The following MCTP1 variants were observed in gnomAD, a reference collection of about 807,000 sequenced individuals.
The protein encoded by MCTP1 is multiple C2 and transmembrane domain-containing protein 1.
A neutral mutation model predicts 120.6 loss-of-function variants in MCTP1; 69 were observed. That is an observed-to-expected ratio of 0.57 (90% CI 0.47 to 0.70). The LOEUF is 0.70. Ranked by LOEUF, MCTP1 falls within the 30% of genes least tolerant of loss-of-function variation. The pLI, the probability that MCTP1 is intolerant of heterozygous loss-of-function variation, is 0.00. For synonymous variants in MCTP1, 529 were observed against 493.1 expected, an observed-to-expected ratio of 1.07 and a Z score of -0.96; for missense variants, 1,203 against 1,248.8, an observed-to-expected ratio of 0.96 and a Z score of 0.55.
chr5:95,152,745 G>A (rs949832483), intron 1 of MCTP1, among the ~76,000 whole-genome samples: 1 of 152,144 alleles, frequency 6.6e-6, no homozygotes, highest in African/African-American at 2.4e-5. Flanking sequence ...ATAAATTTAT[G>A]TAACTAATCA....
chr5:94,845,531 AT>A (rs59042882), intron 17 of MCTP1, among the ~76,000 whole-genome samples: 128,976 of 151,820 alleles, frequency 0.85, 55,408 homozygotes, highest in East Asian at 0.98. Context: ...GGACATGAAC[AT>A]TTTTTTTTGT....
intron 1 of MCTP1, among the ~76,000 whole-genome samples, chr5:95,054,011 C>G (rs565179090): frequency 3.3e-5 from 5 of 152,340 alleles, no homozygotes; most frequent in Admixed American, 1.3e-4. Flanking sequence ...AGGTTCCACA[C>G]TGAGCTGCTC....
chr5:94,977,544 G>A (rs142128460), intron 2 of MCTP1, among the ~76,000 whole-genome samples: 66 of 152,084 alleles, frequency 4.3e-4, no homozygotes, highest in African/African-American at 1.3e-3. Flanking sequence ...AACAAAGCTG[G>A]AGGCATCATA....
intron 1 of MCTP1, among the ~76,000 whole-genome samples, chr5:95,150,712 T>C (rs181739444): frequency 2.6e-5 from 4 of 152,298 alleles, no homozygotes; most frequent in Non-Finnish European, 4.4e-5. Context: ...TTCAACTAAA[T>C]TTCCATTTCT....
intron 1 of MCTP1, among the ~76,000 whole-genome samples, chr5:95,277,302 C>T (rs1205110836): frequency 6.6e-6 from 1 of 152,178 alleles, no homozygotes; most frequent in African/African-American, 2.4e-5. Flanking sequence ...CACATCCTCC[C>T]CTCACCAGGC....
chr5:95,247,106 G>A (rs545363117), intron 1 of MCTP1, among the ~76,000 whole-genome samples: 126 of 152,132 alleles, frequency 8.3e-4, no homozygotes, highest in African/African-American at 2.9e-3. Flanking sequence ...ACTTCTTCCT[G>A]GTTCAGTCTT....
chr5:94,894,626 A>C lies in MCTP1; in HGVS notation c.1839+23T>G, dbSNP rs17084217. ...CTGATCTAGTCACATGTGTCTCTGG[A>C]AGGAGGAGGGTTACATACGTACATA... On this transcript the variant is annotated intron_variant, in intron 11 of 22. Coordinates refer to ENST00000515393, the MANE Select transcript of MCTP1 (RefSeq NM_024717.7). 1.4e-3 allele frequency: 2,069 copies of C among 1,521,592 alleles called. 64 individuals carry two copies. The East Asian group carries it at 0.044, about 33-fold the overall frequency. 94.3% of individuals were successfully genotyped at this position (1,521,592 alleles called of 1,614,324 possible).
chr5:95,037,994 A>G, intron 1 of MCTP1: 1 of 277,632 alleles, frequency 3.6e-6, no homozygotes, highest in Non-Finnish European at 5.5e-6. Context: ...CTTTGATTCT[A>G]CAAATACCAT....
At chr5:94,799,810 A>T (rs1481261341) in intron 17 of MCTP1, among the ~76,000 whole-genome samples, 4 of 152,206 alleles carry the variant, frequency 2.6e-5, no homozygotes, top group African/African-American at 9.6e-5. Context: ...TTTTCATTGT[A>T]AGACAAATGT....
intron 17 of MCTP1, among the ~76,000 whole-genome samples, chr5:94,822,738 T>C (rs1245830262): frequency 6.6e-6 from 1 of 152,234 alleles, no homozygotes; most frequent in Admixed American, 6.5e-5. Flanking sequence ...GAATTTTTAA[T>C]GATCGCCATT....
intron 1 of MCTP1, among the ~76,000 whole-genome samples, chr5:95,128,315 C>A (rs745660478): frequency 6.6e-6 from 1 of 152,080 alleles, no homozygotes; most frequent in Non-Finnish European, 1.5e-5. Context: ...ACCATATGAC[C>A]GAGCAATTAT....
intron 1 of MCTP1, among the ~76,000 whole-genome samples, chr5:95,255,056 C>T (rs990203398): frequency 5.3e-5 from 8 of 152,070 alleles, no homozygotes; most frequent in Non-Finnish European, 1.0e-4. Flanking sequence ...TATGTGTGTA[C>T]AGAATCTGAT....
chr5:95,104,130 G>T (rs561724755), intron 1 of MCTP1, among the ~76,000 whole-genome samples: 93 of 152,070 alleles, frequency 6.1e-4, no homozygotes, highest in Non-Finnish European at 7.6e-4. Context: ...TATAACCTGA[G>T]CCCAACAGAA....
rs576478770 is a variant in MCTP1 at position 95,148,477 on chromosome 5, G to T, written c.721-130993C>A. Reference sequence around the variant, plus strand: ...GCTCTGACATTCTTTCCTCAGCTTGGTCTATTCTGTTAATGCTTCTGATTA... The same window carrying T: ...GCTCTGACATTCTTTCCTCAGCTTGTTCTATTCTGTTAATGCTTCTGATTA... On this transcript the variant is annotated intron_variant, in intron 1 of 22. Transcript: ENST00000515393. Among the ~76,000 whole-genome samples the T allele has an allele frequency of 3.3e-5, 5 of 152,218 alleles. No homozygotes were observed. The South Asian group carries it at 8.3e-4, about 25-fold the overall frequency.
At chr5:95,207,827 G>C (rs1017387725) in intron 1 of MCTP1, among the ~76,000 whole-genome samples, 1 of 151,732 alleles carries the variant, frequency 6.6e-6, no homozygotes, top group African/African-American at 2.4e-5. Context: ...ATGAAGGAGA[G>C]AAATTAACAA....
At chr5:94,858,191 G>A (rs1221915169) in intron 17 of MCTP1, among the ~76,000 whole-genome samples, 3 of 151,540 alleles carry the variant, frequency 2.0e-5, no homozygotes, top group East Asian at 1.9e-4. Context: ...TTAATGAGTC[G>A]ACATTTACTT....
intron 1 of MCTP1, among the ~76,000 whole-genome samples, chr5:95,081,105 A>C (rs1261580322): frequency 6.6e-6 from 1 of 152,158 alleles, no homozygotes; most frequent in East Asian, 1.9e-4. Flanking sequence ...ATAAGAAACT[A>C]AGAACCTGGT....
At chr5:95,143,805 T>C (rs1760139317) in intron 1 of MCTP1, among the ~76,000 whole-genome samples, 1 of 152,224 alleles carries the variant, frequency 6.6e-6, no homozygotes, top group Admixed American at 6.5e-5. Flanking sequence ...CAGTCCACTG[T>C]TGCTAGGCAC....
At chr5:95,084,281 T>C (rs184186295) in intron 1 of MCTP1, among the ~76,000 whole-genome samples, 2 of 152,322 alleles carry the variant, frequency 1.3e-5, no homozygotes, top group African/African-American at 2.4e-5. Flanking sequence ...TTTTGGTACA[T>C]TGTACTCACT....
Sources: allele counts gnomAD v4.1 joint callset (sites outside exome capture counted in the v4.1 genomes callset), GRCh38; gene constraint gnomAD v4.1.1; transcripts MANE v1.5; gene names NCBI Gene and HGNC (gene_info 2026-07-23, HGNC 2026-07-21).